The following CHSY3 variants were observed in gnomAD, a reference collection of about 807,000 sequenced individuals.
The protein encoded by CHSY3 is N-acetylgalactosaminyl-proteoglycan 3-beta-glucuronosyltransferase 3.
CHSY3 carries 35 observed loss-of-function variants against 67.2 expected under a neutral mutation model. The observed-to-expected ratio is 0.52, with a 90% CI of 0.40 to 0.69. CHSY3 has a LOEUF of 0.69. Among genes scored for constraint, CHSY3 ranks in the 30% least tolerant of loss-of-function variants. The pLI is 0.00. For missense variants in CHSY3, 1,069 were observed against 1,138.5 expected (o/e 0.94, Z 0.88); for synonymous variants, 474 against 434.7 (o/e 1.09, Z -1.12).
chr5:130,067,154 T>G (rs1765909130), intron 2 of CHSY3, among the ~76,000 whole-genome samples: 1 of 152,138 alleles, frequency 6.6e-6, no homozygotes, highest in Admixed American at 6.6e-5. Flanking sequence ...AACTCACAAT[T>G]AGGACTTTCC....
intron 2 of CHSY3, among the ~76,000 whole-genome samples, chr5:130,075,402 A>C (rs147341518): frequency 6.6e-6 from 1 of 152,282 alleles, no homozygotes; most frequent in East Asian, 1.9e-4. Context: ...ACTACAGCTT[A>C]TGCAGTTGTA....
chr5:130,166,715 C>T (rs1375546744), intron 2 of CHSY3, among the ~76,000 whole-genome samples: 1 of 152,016 alleles, frequency 6.6e-6, no homozygotes, highest in Non-Finnish European at 1.5e-5. Flanking sequence ...GACATCTTGC[C>T]ATGCTTATGT....
At chr5:129,961,865 A>T (rs986569120) in intron 2 of CHSY3, among the ~76,000 whole-genome samples, 12 of 151,868 alleles carry the variant, frequency 7.9e-5, no homozygotes, top group African/African-American at 2.4e-4. Flanking sequence ...CTCTATTCTC[A>T]TGCTTTTTAT....
chr5:130,144,406 C>T (rs1167638629), intron 2 of CHSY3, among the ~76,000 whole-genome samples: 1 of 151,904 alleles, frequency 6.6e-6, no homozygotes, highest in African/African-American at 2.4e-5. Flanking sequence ...AAATTATTTA[C>T]AATAGCTGCA....
intron 2 of CHSY3, among the ~76,000 whole-genome samples, chr5:129,934,166 A>G (rs1173564140): frequency 6.6e-6 from 1 of 152,176 alleles, no homozygotes; most frequent in Non-Finnish European, 1.5e-5. Flanking sequence ...ATTATAAAAA[A>G]TGATCTCAAT....
chr5:130,113,518 G>C (rs995279427), intron 2 of CHSY3, among the ~76,000 whole-genome samples: 1 of 152,132 alleles, frequency 6.6e-6, no homozygotes, highest in South Asian at 2.1e-4. Context: ...CGGGAATACA[G>C]AATTTAAAAA....
chr5:130,079,954 T>G (rs1306218254), intron 2 of CHSY3, among the ~76,000 whole-genome samples: 1 of 151,862 alleles, frequency 6.6e-6, no homozygotes, highest in Admixed American at 6.6e-5. Flanking sequence ...TACATTGTTT[T>G]TTTGTTTGTT....
chr5:130,074,423 A>G (rs1766187190), intron 2 of CHSY3, among the ~76,000 whole-genome samples: 1 of 152,156 alleles, frequency 6.6e-6, no homozygotes, highest in Non-Finnish European at 1.5e-5. Flanking sequence ...ACACATTCCT[A>G]AAAGATAAGG....
intron 2 of CHSY3, among the ~76,000 whole-genome samples, chr5:130,066,675 C>T (rs1245680352): frequency 1.3e-5 from 2 of 152,118 alleles, no homozygotes; most frequent in East Asian, 3.9e-4. Flanking sequence ...ACTTGCATAG[C>T]ACTTTGACAT....
At chr5:130,006,373 T>C (rs1160897288) in intron 2 of CHSY3, among the ~76,000 whole-genome samples, 1 of 152,152 alleles carries the variant, frequency 6.6e-6, no homozygotes, top group African/African-American at 2.4e-5. Flanking sequence ...CTAAAGTGTT[T>C]GTATTATGTA....
At chr5:129,942,937 T>A (rs755588279) in intron 2 of CHSY3, among the ~76,000 whole-genome samples, 4 of 152,210 alleles carry the variant, frequency 2.6e-5, no homozygotes, top group Non-Finnish European at 4.4e-5. Flanking sequence ...TAGAGTGTTT[T>A]CTTGGATGTA....
chr5:130,107,886 G>A (rs539103548), intron 2 of CHSY3, among the ~76,000 whole-genome samples: 37 of 151,726 alleles, frequency 2.4e-4, no homozygotes, highest in Admixed American at 7.9e-4. Context: ...CCTCTTTTCA[G>A]AGCAGAATAG....
At chr5:129,946,830 C>T (rs1230432527) in intron 2 of CHSY3, among the ~76,000 whole-genome samples, 2 of 152,170 alleles carry the variant, frequency 1.3e-5, no homozygotes, top group Non-Finnish European at 2.9e-5. Flanking sequence ...CATTTATCCA[C>T]TAACAGACAC....
At chr5:130,182,993 T>C (rs1770295796) in intron 2 of CHSY3, among the ~76,000 whole-genome samples, 1 of 152,052 alleles carries the variant, frequency 6.6e-6, no homozygotes, top group African/African-American at 2.4e-5. Flanking sequence ...ATGTACAATT[T>C]GTACCTGCTT....
At chr5:130,000,887 T>TC (rs1176803715) in intron 2 of CHSY3, among the ~76,000 whole-genome samples, 4 of 141,138 alleles carry the variant, frequency 2.8e-5, no homozygotes, top group African/African-American at 1.1e-4. Flanking sequence ...CCTGTCTTCT[T>TC]TTTTTTTTTT....
At chr5:130,005,486 C>T (rs1169323520) in intron 2 of CHSY3, among the ~76,000 whole-genome samples, 1 of 151,674 alleles carries the variant, frequency 6.6e-6, no homozygotes, top group Non-Finnish European at 1.5e-5. Flanking sequence ...TTTAAAAATT[C>T]ACTCTCTTAG....
intron 2 of CHSY3, among the ~76,000 whole-genome samples, chr5:129,917,478 CA>C (rs1760766773): frequency 6.6e-6 from 1 of 152,172 alleles, no homozygotes; most frequent in Non-Finnish European, 1.5e-5. Context: ...AAGCATTCTA[CA>C]ACTACTAGCT....
intron 2 of CHSY3, among the ~76,000 whole-genome samples, chr5:130,146,723 C>T (rs1314311930): frequency 9.2e-5 from 14 of 151,724 alleles, no homozygotes; most frequent in Admixed American, 9.2e-4. Flanking sequence ...CAAATTGTAC[C>T]CCATGAATAT....
chr5:130,053,662 T>A (rs1044126849), intron 2 of CHSY3, among the ~76,000 whole-genome samples: 1 of 152,152 alleles, frequency 6.6e-6, no homozygotes, highest in South Asian at 2.1e-4. Context: ...GAGTCTCTAT[T>A]CTTTATAGCA....
Sources: gnomAD v4.1 joint callset for allele counts (sites outside exome capture counted in the v4.1 genomes callset) on GRCh38, gnomAD v4.1.1 for gene constraint, MANE v1.5 for transcripts, NCBI Gene and HGNC (gene_info 2026-07-23, HGNC 2026-07-21) for gene names.